The following MAP1B variants were observed in gnomAD, a reference collection of about 807,000 sequenced individuals.
The protein encoded by MAP1B is microtubule associated protein 1B, also known as microtubule-associated protein 1B.
In MAP1B, 12 loss-of-function variants were observed where a neutral mutation model predicts 176.1. That is an observed-to-expected ratio of 0.07 (90% CI 0.04 to 0.11). The LOEUF is 0.11. Among genes scored for constraint, MAP1B ranks in the 10% least tolerant of loss-of-function variants. MAP1B has a pLI of 1.00. For synonymous variants in MAP1B, 1,044 were observed against 1,135.0 expected (o/e 0.92, Z 1.61); for missense variants, 2,523 against 2,990.5 (o/e 0.84, Z 3.65).
Position 72,206,359 on chromosome 5 carries a change from G to A in MAP1B, c.*1120G>A, listed in dbSNP as rs1429753718. On this transcript the variant is annotated 3_prime_UTR_variant, in exon 7 of 7. Transcript: ENST00000296755. The stretch of plus-strand genomic sequence containing the variant: ...AACAGTTTGATGCTGAGTCATGCGT[G>A]TTGAATCCCACTTCAGTGCACCTGT... 6.5e-6 allele frequency: 1 copy of A among 152,690 alleles called. No homozygotes were observed. Among genetic ancestry groups the A allele is most frequent in the Non-Finnish European group, 1.5e-5 (1 of 68,034 alleles). 9.5% of individuals were successfully genotyped at this position (152,690 alleles called of 1,614,324 possible). A position where few individuals can be genotyped will look rare whatever the true frequency, so the allele number is the denominator to read the frequency against.
Position 72,205,483 on chromosome 5 carries a change from C to T in MAP1B, c.*244C>T, listed in dbSNP as rs1185584779. 4.7e-6 allele frequency: 2 copies of T among 429,634 alleles called. No homozygotes were observed. Among genetic ancestry groups the T allele is most frequent in the Non-Finnish European group, 8.4e-6 (2 of 238,314 alleles). 26.6% of individuals were successfully genotyped at this position (429,634 alleles called of 1,614,324 possible). On this transcript the variant is annotated 3_prime_UTR_variant, in exon 7 of 7. Transcript: ENST00000296755. ...TGCAAAATTACCTACCCCAGTTCAT[C>T]TCTGCTGAACATTTGGAAACCATGC...
At chr5:72,157,048 T>C (rs1004953067) in intron 2 of MAP1B, among the ~76,000 whole-genome samples, 1 of 152,196 alleles carries the variant, frequency 6.6e-6, no homozygotes, top group African/African-American at 2.4e-5. Flanking sequence ...AAATTATAAG[T>C]CAGCTCCTCA....
intron 2 of MAP1B, among the ~76,000 whole-genome samples, chr5:72,125,793 C>A (rs1318927123): frequency 6.6e-6 from 1 of 152,136 alleles, no homozygotes; most frequent in Admixed American, 6.5e-5. Flanking sequence ...ATTTTGAATC[C>A]AGCCTGAATT....
In MAP1B at chr5:72,186,560, T is replaced by TG; in HGVS notation, c.370-51dup. On this transcript the variant is annotated intron_variant, in intron 3 of 6. Coordinates refer to ENST00000296755, the MANE Select transcript of MAP1B (RefSeq NM_005909.5). This position sits in a 1 kb window ranked among gnomAD's most constrained non-coding sequence, Gnocchi z 4.3. The stretch of plus-strand genomic sequence containing the variant: ...CCGAAGGCTAGCCCTGTCCTGAAGG[T>TG]GGGATGGCAGCACTGCCCATGGCTC... The TG allele has an allele frequency of 6.3e-7, 1 of 1,597,392 alleles. No homozygotes were observed. The highest frequency in any genetic ancestry group is 8.5e-7 in the Non-Finnish European group (1 of 1,169,652).
In MAP1B at chr5:72,198,559, C is replaced by G. The variant is rs779857304; in HGVS notation, c.5204C>G (p.Ala1735Gly). ...QVEASPSTSS[A>G]HTPSQIASPL... ...GAGGCCTCCCCGTCCACCTCTTCTG[C>G]TCATACCCCTTCTCAGATCGCTTCT... The change falls in exon 5 of 7, where the codon GCT (alanine) becomes GGT (glycine). Residue 1735 changes from alanine (A) to glycine (G), a missense_variant. Around this residue, in one of 4 missense-constraint regions of MAP1B, gnomAD observed 1,925 missense variants for 2,126.0 expected, o/e 0.91. Coordinates refer to ENST00000296755, the MANE Select transcript of MAP1B (RefSeq NM_005909.5). The G allele has an allele frequency of 1.9e-5, 31 of 1,614,048 alleles. No individual in the cohort carries two copies. In the South Asian group the frequency reaches 3.4e-4, roughly 18 times the overall value.
At chr5:72,120,486 G>A (rs1343449355) in intron 2 of MAP1B, among the ~76,000 whole-genome samples, 3 of 150,014 alleles carry the variant, frequency 2.0e-5, no homozygotes, top group Non-Finnish European at 3.0e-5. Context: ...GTGCAGTGGC[G>A]CAATCTCGGC....
At chr5:72,144,584 G>A (rs1344330804) in intron 2 of MAP1B, among the ~76,000 whole-genome samples, 2 of 151,870 alleles carry the variant, frequency 1.3e-5, no homozygotes, top group African/African-American at 4.8e-5. Context: ...TTGTAGAGAC[G>A]AGGTCTTGCT....
At chr5:72,172,988 T>C (rs1746576069) in intron 2 of MAP1B, among the ~76,000 whole-genome samples, 1 of 152,200 alleles carries the variant, frequency 6.6e-6, no homozygotes, top group Admixed American at 6.5e-5. Flanking sequence ...AGTTGAAAGC[T>C]TGGACTTTGG....
At chr5:72,113,437 C>A (rs1745378396) in intron 1 of MAP1B, among the ~76,000 whole-genome samples, 1 of 152,068 alleles carries the variant, frequency 6.6e-6, no homozygotes, top group African/African-American at 2.4e-5. Context: ...TCATTTAGTA[C>A]TTTTTCTATT....
chr5:72,188,827 A>C (rs1746966442), intron 4 of MAP1B, among the ~76,000 whole-genome samples: 1 of 152,190 alleles, frequency 6.6e-6, no homozygotes, highest in Admixed American at 6.5e-5. Context: ...ACATATTTTG[A>C]TTATACTCAG....
chr5:72,145,538 A>C (rs1295919563), intron 2 of MAP1B, among the ~76,000 whole-genome samples: 1 of 152,160 alleles, frequency 6.6e-6, no homozygotes, highest in Non-Finnish European at 1.5e-5. Flanking sequence ...TCTGATGGAG[A>C]ATAATACATG....
intron 3 of MAP1B, 30 bp downstream of exon 3, chr5:72,183,855 C>A (rs761281487): frequency 1.3e-6 from 2 of 1,594,422 alleles, no homozygotes; most frequent in Non-Finnish European, 1.7e-6. Flanking sequence ...GAATCTGGGG[C>A]CGGGCCCCAC....
Position 72,191,393 on chromosome 5 carries a change from T to C in MAP1B, c.511-2473T>C, listed in dbSNP as rs1432894136. Among the ~76,000 whole-genome samples, 4 of 152,370 alleles carry C rather than the reference T, an allele frequency of 2.6e-5. No individual in the cohort carries two copies. In the East Asian group the frequency reaches 5.8e-4, roughly 22 times the overall value. ...TGTTGGATCCTCCTTATGGTTCTCA[T>C]CTATTCATTGAATAAGCTTGGTCAG... On this transcript the variant is annotated intron_variant, in intron 4 of 6. Coordinates refer to ENST00000296755, the MANE Select transcript of MAP1B (RefSeq NM_005909.5).
chr5:72,187,934 C>G (rs1451821188), intron 4 of MAP1B, among the ~76,000 whole-genome samples: 1 of 152,234 alleles, frequency 6.6e-6, no homozygotes, highest in Non-Finnish European at 1.5e-5. Flanking sequence ...TCTTGAAACA[C>G]ATACCAGGAT....
In MAP1B at chr5:72,198,220, C is replaced by T; in HGVS notation, c.4865C>T (p.Pro1622Leu). 6.2e-7 allele frequency: 1 copy of T among 1,614,208 alleles called. No individual in the cohort carries two copies. The highest frequency in any genetic ancestry group is 8.5e-7 in the Non-Finnish European group (1 of 1,180,036). Residue 1622 changes from proline (P) to leucine (L), a missense_variant, in exon 5 of 7, where the codon CCA (proline) becomes CTA (leucine). Pro to Leu is a moderately conservative substitution (Grantham distance 98). Around this residue, in one of 4 missense-constraint regions of MAP1B, gnomAD observed 1,925 missense variants for 2,126.0 expected, o/e 0.91. Coordinates refer to ENST00000296755, the MANE Select transcript of MAP1B (RefSeq NM_005909.5). ...ECPRPMSISP[P>L]DFSPKTAKSR... ...CCAAGACCGATGTCAATTTCTCCAC[C>T]AGATTTCTCCCCTAAAACTGCAAAG...
At chr5:72,187,018 TG>T in intron 4 of MAP1B, among the ~76,000 whole-genome samples, 1 of 152,248 alleles carries the variant, frequency 6.6e-6, no homozygotes. Flanking sequence ...ACTTTACAGA[TG>T]GTAAAAATGA....
At chr5:72,143,747 G>T (rs945922890) in intron 2 of MAP1B, among the ~76,000 whole-genome samples, 1 of 152,152 alleles carries the variant, frequency 6.6e-6, no homozygotes, top group Non-Finnish European at 1.5e-5. Context: ...TACTGAGGGA[G>T]AATCTGTTCC....
At chr5:72,138,555 A>G (rs1233029819) in intron 2 of MAP1B, among the ~76,000 whole-genome samples, 1 of 152,208 alleles carries the variant, frequency 6.6e-6, no homozygotes. Flanking sequence ...TGCACAAAAA[A>G]TGTTATGTAA....
chr5:72,173,283 C>T lies in MAP1B; in HGVS notation c.287-10460C>T, dbSNP rs371558226. Among the ~76,000 whole-genome samples the T allele has an allele frequency of 8.5e-5, 13 of 152,296 alleles. No individual in the cohort carries two copies. In the South Asian group the frequency reaches 2.7e-3, roughly 32 times the overall value. On this transcript the variant is annotated intron_variant, in intron 2 of 6. Coordinates refer to ENST00000296755, the MANE Select transcript of MAP1B (RefSeq NM_005909.5). The stretch of plus-strand genomic sequence containing the variant: ...TGACTTACGATTCCTGATTTAGAAA[C>T]TGTAAAAACACTGTCTCCTGTTTAA...
Sources: allele counts gnomAD v4.1 joint callset (sites outside exome capture counted in the v4.1 genomes callset), GRCh38; gene constraint gnomAD v4.1.1; regional missense constraint gnomAD v4.1.1; non-coding constraint Gnocchi (gnomAD v3.1); transcripts MANE v1.5; gene names NCBI Gene and HGNC (gene_info 2026-07-23, HGNC 2026-07-21).